Variants in CDC14A observed in about 807,000 individuals in gnomAD.
CDC14A encodes dual specificity protein phosphatase CDC14A.
Under a neutral mutation model 74.4 loss-of-function variants are expected in CDC14A, and 53 were observed. The observed-to-expected ratio is 0.71, with a 90% CI of 0.57 to 0.89. The LOEUF (loss-of-function observed/expected upper bound fraction) is 0.89. CDC14A is among the 40% of genes least tolerant of loss of function. The probability of loss-of-function intolerance (pLI) is 0.00; values close to 1 mark genes in which losing one functional copy is unlikely to be tolerated. For synonymous variants in CDC14A, 247 were observed against 258.4 expected, an observed-to-expected ratio of 0.96 and a Z score of 0.43; for missense variants, 646 against 713.7, an observed-to-expected ratio of 0.91 and a Z score of 1.08.
chr1:100,449,685 C>T (rs111374953), intron 7 of CDC14A, among the ~76,000 whole-genome samples: 138 of 152,264 alleles, frequency 9.1e-4, no homozygotes, highest in Non-Finnish European at 1.5e-3. Context: ...CCTGTATCTG[C>T]GGGTACTTTT....
chr1:100,357,331 G>A (rs1005824484), intron 2 of CDC14A, among the ~76,000 whole-genome samples: 4 of 152,042 alleles, frequency 2.6e-5, no homozygotes, highest in Non-Finnish European at 5.9e-5. Flanking sequence ...GTGGAAGTAC[G>A]CAACAAAGAG....
chr1:100,462,195 T>C (rs1009394979), intron 8 of CDC14A, among the ~76,000 whole-genome samples: 6 of 152,220 alleles, frequency 3.9e-5, no homozygotes, highest in African/African-American at 1.4e-4. Context: ...TTAATAATAA[T>C]TGCTTCTGGG....
chr1:100,447,832 G>C (rs529512537), intron 7 of CDC14A, among the ~76,000 whole-genome samples: 10 of 152,158 alleles, frequency 6.6e-5, no homozygotes, highest in Middle Eastern at 3.4e-3. Flanking sequence ...CTGTTTTTTT[G>C]GGGGGTAGCT....
chr1:100,451,128 A>T (rs910633046), intron 7 of CDC14A, among the ~76,000 whole-genome samples: 1 of 152,170 alleles, frequency 6.6e-6, no homozygotes, highest in Non-Finnish European at 1.5e-5. Flanking sequence ...CACACTTTGT[A>T]TGATTAAGTG....
rs113103529 is a variant in CDC14A, at chr1:100,364,232, G to A, written c.140+10380G>A. The stretch of plus-strand genomic sequence containing the variant: ...TTTTTTAATTTTTTATTTTTGAGAT[G>A]GAGTCTCGCTCTGTTGCCAGGCTGG... On this transcript the variant is annotated intron_variant, in intron 2 of 15. Coordinates refer to ENST00000336454, the MANE Select transcript of CDC14A (RefSeq NM_003672.4). Among the ~76,000 whole-genome samples, 584 of 150,828 alleles carry A rather than the reference G, an allele frequency of 3.9e-3. 4 individuals carry two copies. The highest frequency in any genetic ancestry group is 0.014 in the African/African-American group (554 of 41,004).
At chr1:100,418,347 G>T (rs1351542007) in intron 4 of CDC14A, among the ~76,000 whole-genome samples, 2 of 152,100 alleles carry the variant, frequency 1.3e-5, no homozygotes, top group South Asian at 4.1e-4. Flanking sequence ...ATGAAATATA[G>T]GTCTAATAGG....
At chr1:100,485,793 G>T (rs17122649) in intron 11 of CDC14A, 8,236 of 152,250 alleles carry the variant, frequency 0.054, 745 homozygotes, top group African/African-American at 0.19. Flanking sequence ...TAGCCAGAGT[G>T]CTTGGAGATT....
chr1:100,455,807 C>T (rs986060880), intron 8 of CDC14A, among the ~76,000 whole-genome samples: 1 of 152,152 alleles, frequency 6.6e-6, no homozygotes, highest in East Asian at 1.9e-4. Context: ...TGTATTCTTT[C>T]AGTGGTTCTC....
At chr1:100,498,318 G>C (rs1281782361) in intron 14 of CDC14A, 111 bp downstream of exon 14, 32 of 1,197,500 alleles carry the variant, frequency 2.7e-5, no homozygotes, top group Non-Finnish European at 3.7e-5. Flanking sequence ...GAGAAGAGGA[G>C]AAACCACGGA....
In CDC14A at chr1:100,412,696, TTATATATA is replaced by T. The variant is rs139550432; in HGVS notation, c.310-11506_310-11499del. Among the ~76,000 whole-genome samples the T allele has an allele frequency of 2.0e-4, 15 of 74,104 alleles. 1 individual carries two copies. The highest frequency in any genetic ancestry group is 7.5e-4 in the East Asian group (2 of 2,652). The allele number at this position is 74,104 out of a possible 152,430, so 48.6% of individuals were successfully genotyped here. ...AAGGTGGGTGAACTTCCTGTATGTT[TTATATATA>T]TATATATATATATATATATTTTATA... On this transcript the variant is annotated intron_variant, in intron 4 of 15. Transcript: ENST00000336454.
intron 9 of CDC14A, among the ~76,000 whole-genome samples, chr1:100,467,261 CA>C (rs1358925911): frequency 6.6e-6 from 1 of 152,102 alleles, no homozygotes; most frequent in African/African-American, 2.4e-5. Context: ...TGTGTGCTCC[CA>C]ATTACTGGGA....
At chr1:100,361,767 T>C (rs1279196717) in intron 2 of CDC14A, among the ~76,000 whole-genome samples, 1 of 152,200 alleles carries the variant, frequency 6.6e-6, no homozygotes, top group Admixed American at 6.5e-5. Flanking sequence ...TGTGGAAAAC[T>C]GTTTGGATGT....
intron 10 of CDC14A, among the ~76,000 whole-genome samples, chr1:100,473,799 T>C (rs1024194314): frequency 3.9e-5 from 6 of 152,186 alleles, no homozygotes; most frequent in Non-Finnish European, 7.3e-5. Flanking sequence ...CATCCACAAA[T>C]AGGACAATTT....
At chr1:100,470,859 ATTGT>A (rs931445418) in intron 10 of CDC14A, among the ~76,000 whole-genome samples, 9 of 152,154 alleles carry the variant, frequency 5.9e-5, no homozygotes, top group Non-Finnish European at 1.0e-4. Flanking sequence ...TTGGTGTATA[ATTGT>A]TTGGCCATTT....
chr1:100,494,209 TA>T (rs1647433144), intron 11 of CDC14A, among the ~76,000 whole-genome samples: 1 of 152,314 alleles, frequency 6.6e-6, no homozygotes, highest in South Asian at 2.1e-4. Flanking sequence ...GCATCAGGGC[TA>T]TTGAAGAGAC....
At chr1:100,434,527 A>G (rs1486157645) in intron 5 of CDC14A, among the ~76,000 whole-genome samples, 1 of 152,202 alleles carries the variant, frequency 6.6e-6, no homozygotes. Context: ...AAACCATTAA[A>G]AAGTTTTAAG....
chr1:100,373,808 T>A (rs1212624746), intron 2 of CDC14A, among the ~76,000 whole-genome samples: 5 of 152,038 alleles, frequency 3.3e-5, no homozygotes, highest in African/African-American at 7.2e-5. Flanking sequence ...TTTCTTTTTT[T>A]TTATTATTAT....
chr1:100,427,187 A>AT (rs1002798001), intron 5 of CDC14A, among the ~76,000 whole-genome samples: 6 of 152,092 alleles, frequency 3.9e-5, no homozygotes, highest in Admixed American at 1.3e-4. Flanking sequence ...CATTGTCTAG[A>AT]TTTTTTCAAC....
chr1:100,484,921 T>C (rs1669876659), intron 11 of CDC14A: 1 of 972,418 alleles, frequency 1.0e-6, no homozygotes, highest in African/African-American at 1.8e-5. Context: ...CGGTAAATAG[T>C]TGATATATAT....
Sources: allele counts gnomAD v4.1 joint callset (sites outside exome capture counted in the v4.1 genomes callset), GRCh38; gene constraint gnomAD v4.1.1; transcripts MANE v1.5; gene names NCBI Gene and HGNC (gene_info 2026-07-23, HGNC 2026-07-21).